ELAPOR2: variants seen among roughly 807,000 people sequenced by gnomAD.
ELAPOR2 encodes endosome-lysosome associated apoptosis and autophagy regulator family member 2.
ELAPOR2 carries 89 observed loss-of-function variants against 120.7 expected under a neutral mutation model. That is an observed-to-expected ratio of 0.74 (90% CI 0.62 to 0.88). ELAPOR2 has a LOEUF of 0.88. Among genes scored for constraint, ELAPOR2 ranks in the 40% least tolerant of loss-of-function variants. ELAPOR2 has a pLI of 0.00. For missense variants in ELAPOR2, 1,134 were observed against 1,251.6 expected (o/e 0.91, Z 1.42); for synonymous variants, 444 against 444.9 (o/e 1.00, Z 0.03).
intron 2 of ELAPOR2, among the ~76,000 whole-genome samples, chr7:86,961,298 A>G (rs1791697749): frequency 6.6e-6 from 1 of 152,216 alleles, no homozygotes; most frequent in Non-Finnish European, 1.5e-5. Flanking sequence ...AATTAATGGA[A>G]AAAATAGGAA....
chr7:86,915,266 T>A (rs1162465450), intron 12 of ELAPOR2, among the ~76,000 whole-genome samples: 1 of 152,090 alleles, frequency 6.6e-6, no homozygotes, highest in Admixed American at 6.5e-5. Flanking sequence ...TCAAATTTTT[T>A]ATCTTTTTCC....
At chr7:87,039,685 A>G (rs553479643) in intron 1 of ELAPOR2, among the ~76,000 whole-genome samples, 1 of 152,352 alleles carries the variant, frequency 6.6e-6, no homozygotes, top group South Asian at 2.1e-4. Context: ...ATGCTGAAAA[A>G]GCATTTAATA....
intron 1 of ELAPOR2, among the ~76,000 whole-genome samples, chr7:87,034,565 A>T (rs1794523062): frequency 6.6e-6 from 1 of 152,200 alleles, no homozygotes; most frequent in East Asian, 1.9e-4. Flanking sequence ...CTTTCCTAGC[A>T]TAACAGGCTC....
chr7:86,953,354 G>A (rs1041425792), intron 2 of ELAPOR2, among the ~76,000 whole-genome samples: 1 of 152,116 alleles, frequency 6.6e-6, no homozygotes, highest in South Asian at 2.1e-4. Context: ...GAAGAAAAGA[G>A]CCACACTTTC....
Position 86,909,975 on chromosome 7 carries a change from G to T in ELAPOR2, c.2196C>A (p.Asn732Lys), listed in dbSNP as rs1181158852. Residue 732 changes from asparagine (N) to lysine (K), a missense_variant, in exon 16 of 22, where the codon AAC (asparagine) becomes AAA (lysine). Asn to Lys is a moderately conservative substitution (Grantham distance 94). Transcript: ENST00000450689. ...CTTTTACTGTAAAGTCTGTTATATT[G>T]TTGGTACAGAGAGCCATCTTCTTCC... ...HEGKKMALCT[N>K]NITDFTVKEI... The T allele has an allele frequency of 1.9e-6, 3 of 1,611,354 alleles. No individual in the cohort carries two copies. Among genetic ancestry groups the T allele is most frequent in the Non-Finnish European group, 2.5e-6 (3 of 1,178,732 alleles).
At position 87,059,350 on chromosome 7, in the gene ELAPOR2, C is replaced by T. The variant is rs1179075881; in HGVS notation, c.164G>A (p.Ser55Asn). 3 of 1,247,844 alleles carry T rather than the reference C, an allele frequency of 2.4e-6. No homozygotes were observed. The highest frequency in any genetic ancestry group is 3.0e-6 in the Non-Finnish European group (3 of 988,670). 77.3% of individuals were successfully genotyped at this position (1,247,844 alleles called of 1,614,324 possible). A position where few individuals can be genotyped will look rare whatever the true frequency, so the allele number is the denominator to read the frequency against. Residue 55 changes from serine (S) to asparagine (N), a missense_variant, in exon 1 of 22, where the codon AGC (serine) becomes AAC (asparagine). Physicochemically the swap from Ser to Asn is conservative, Grantham distance 46. Coordinates refer to ENST00000450689, the MANE Select transcript of ELAPOR2 (RefSeq NM_001142749.3). ...CTCCTGGCAAGGAGGAAGCGGGCGGCTGGAGGAGGAGGGCAGGTCCCCAGC... is the reference window on the plus strand; with the variant it reads ...CTCCTGGCAAGGAGGAAGCGGGCGGTTGGAGGAGGAGGGCAGGTCCCCAGC... ...AWAGDLPSSS[S>N]RPLPPCQEKD...
At chr7:86,882,497 T>C (rs932057034) in intron 21 of ELAPOR2, among the ~76,000 whole-genome samples, 1 of 152,204 alleles carries the variant, frequency 6.6e-6, no homozygotes, top group African/African-American at 2.4e-5. Flanking sequence ...AGGGCTTTAA[T>C]AGCCCTGTCC....
chr7:86,932,431 A>G (rs576265422), intron 8 of ELAPOR2, among the ~76,000 whole-genome samples: 3 of 151,874 alleles, frequency 2.0e-5, no homozygotes, highest in African/African-American at 7.3e-5. Context: ...AGAATGTATA[A>G]TCATCCCCAA....
chr7:87,058,637 C>T (rs1028471496), intron 1 of ELAPOR2, among the ~76,000 whole-genome samples: 1 of 152,092 alleles, frequency 6.6e-6, no homozygotes, highest in African/African-American at 2.4e-5. Flanking sequence ...TAAAATACAC[C>T]GCGGCAATAC....
chr7:86,931,783 T>C (rs1008543538), intron 8 of ELAPOR2, among the ~76,000 whole-genome samples: 7 of 151,984 alleles, frequency 4.6e-5, no homozygotes, highest in African/African-American at 1.4e-4. Context: ...ATAATCACTA[T>C]GTAAGTATCA....
At chr7:87,048,400 G>T (rs1006786891) in intron 1 of ELAPOR2, among the ~76,000 whole-genome samples, 1 of 152,136 alleles carries the variant, frequency 6.6e-6, no homozygotes, top group East Asian at 1.9e-4. Flanking sequence ...CACATCACAC[G>T]TTCTCATTTG....
chr7:86,952,277 G>A (rs1791287688), intron 2 of ELAPOR2, among the ~76,000 whole-genome samples: 1 of 152,146 alleles, frequency 6.6e-6, no homozygotes, highest in Non-Finnish European at 1.5e-5. Context: ...GACTGGTGAG[G>A]GAGGAAGGGA....
intron 1 of ELAPOR2, among the ~76,000 whole-genome samples, chr7:87,041,618 A>C (rs1163311610): frequency 6.6e-6 from 1 of 152,172 alleles, no homozygotes; most frequent in African/African-American, 2.4e-5. Context: ...GAAGCACTAA[A>C]TATGAAAAGG....
rs576902336 is a variant in ELAPOR2, at chr7:87,032,260, T to C, written c.189+27065A>G. On this transcript the variant is annotated intron_variant, in intron 1 of 21. Transcript: ENST00000450689. ...TATATAAAATGTCTGAATATCACTT[T>C]AAAGCAGCATCATTTGCTTATGAAT... Among the ~76,000 whole-genome samples, 6 of 152,298 alleles carry C rather than the reference T, an allele frequency of 3.9e-5. No individual in the cohort carries two copies. In the South Asian group the frequency reaches 8.3e-4, roughly 21 times the overall value.
intron 1 of ELAPOR2, among the ~76,000 whole-genome samples, chr7:87,032,088 G>T (rs1203722657): frequency 6.6e-6 from 1 of 152,108 alleles, no homozygotes; most frequent in Non-Finnish European, 1.5e-5. Context: ...TGTTGAAAAT[G>T]ACTATCTTGA....
chr7:86,884,869 C>T (rs978538808), intron 21 of ELAPOR2, among the ~76,000 whole-genome samples: 12 of 152,244 alleles, frequency 7.9e-5, no homozygotes, highest in Non-Finnish European at 1.8e-4. Context: ...TGCAATCTAT[C>T]ATGCAAATTT....
chr7:87,018,237 C>A (rs886168275), intron 1 of ELAPOR2, among the ~76,000 whole-genome samples: 5 of 151,902 alleles, frequency 3.3e-5, no homozygotes, highest in Non-Finnish European at 7.4e-5. Flanking sequence ...GACAGGATTT[C>A]ACCATCTTGG....
intron 1 of ELAPOR2, among the ~76,000 whole-genome samples, chr7:87,028,987 G>A (rs1354400223): frequency 6.6e-6 from 1 of 152,134 alleles, no homozygotes. Context: ...TCCTTCCCCA[G>A]ATGTCTCCTC....
intron 1 of ELAPOR2, among the ~76,000 whole-genome samples, chr7:86,987,144 T>C (rs1792772788): frequency 6.6e-6 from 1 of 152,226 alleles, no homozygotes; most frequent in African/African-American, 2.4e-5. Flanking sequence ...GGTAGTCATA[T>C]GTAGAAAGCT....
Sources: allele counts gnomAD v4.1 joint callset (sites outside exome capture counted in the v4.1 genomes callset), GRCh38; gene constraint gnomAD v4.1.1; transcripts MANE v1.5; gene names NCBI Gene and HGNC (gene_info 2026-07-23, HGNC 2026-07-21).